SNAP47: variants seen among roughly 807,000 people sequenced by gnomAD.
SNAP47 encodes the protein synaptosome associated protein 47.
A neutral mutation model predicts 31.4 loss-of-function variants in SNAP47; 20 were observed. The ratio of observed to expected loss-of-function variants is 0.64; its 90% confidence interval spans 0.45 to 0.93. The LOEUF is 0.93. Ranked by LOEUF, SNAP47 falls within the 40% of genes least tolerant of loss-of-function variation. The probability of loss-of-function intolerance (pLI) is 0.00; values close to 1 mark genes in which losing one functional copy is unlikely to be tolerated. For missense variants in SNAP47, 492 were observed against 528.5 expected, an observed-to-expected ratio of 0.93 and a Z score of 0.68; for synonymous variants, 194 against 213.4, an observed-to-expected ratio of 0.91 and a Z score of 0.79.
chr1:227,734,461 A>C (rs546563473), upstream of SNAP47: 2 of 525,596 alleles, frequency 3.8e-6, no homozygotes, highest in Non-Finnish European at 6.6e-6. Flanking sequence ...AAAAAAAACC[A>C]TATTGACCTC....
chr1:227,759,293 AT>A lies in SNAP47; in HGVS notation c.798del (p.Ser267AlafsTer16). On this transcript the variant is annotated frameshift_variant, in exon 3 of 5. Coordinates refer to ENST00000617596, the MANE Select transcript of SNAP47 (RefSeq NM_053052.4). LOFTEE classifies it high-confidence loss of function. ...DDIKVHSPYE[I>X]SIRQRFIGKP... ...CATCAAGGTCCACTCACCTTACGAA[AT>A]TAGCATCCGCCAGCGGTTTATTGGA... 1 of 1,614,256 alleles carries A rather than the reference AT, an allele frequency of 6.2e-7. No homozygotes were observed. The highest frequency in any genetic ancestry group is 8.5e-7 in the Non-Finnish European group (1 of 1,180,046).
chr1:227,740,982 G>T (rs893165601), intron 1 of SNAP47, among the ~76,000 whole-genome samples: 2 of 148,194 alleles, frequency 1.3e-5, no homozygotes, highest in South Asian at 2.1e-4. Context: ...AAATTGGGGT[G>T]CCTGTTAGGG....
intron 4 of SNAP47, among the ~76,000 whole-genome samples, chr1:227,779,684 G>A (rs2103008180): frequency 6.6e-6 from 1 of 152,298 alleles, no homozygotes; most frequent in South Asian, 2.1e-4. Context: ...TCTAGACCTA[G>A]GCTGAGTGTG....
chr1:227,775,150 C>T (rs1263952377), intron 4 of SNAP47, among the ~76,000 whole-genome samples: 1 of 152,242 alleles, frequency 6.6e-6, no homozygotes, highest in East Asian at 1.9e-4. Flanking sequence ...CTTGGGCGGG[C>T]CGCAGGGTGG....
At chr1:227,728,583 CCCCGCCCCGCCT>C (rs948106410), upstream of SNAP47, 5 of 143,414 alleles carry the variant, frequency 3.5e-5, no homozygotes, top group Non-Finnish European at 6.1e-5. Flanking sequence ...TCCCTCCCGG[CCCCGCCCCGCCT>C]CCCGCCCCAA....
chr1:227,735,187 C>T, upstream of SNAP47: 2 of 1,581,088 alleles, frequency 1.3e-6, no homozygotes, highest in Non-Finnish European at 1.7e-6. Context: ...CGAAGGCTAC[C>T]CGGCCCGGAG....
At chr1:227,764,361 G>A (rs1042302037) in intron 3 of SNAP47, among the ~76,000 whole-genome samples, 1 of 152,188 alleles carries the variant, frequency 6.6e-6, no homozygotes, top group Non-Finnish European at 1.5e-5. Context: ...GAGTGTTTAA[G>A]CAAAGTCCTA....
At chr1:227,772,829 T>C (rs759402377) in intron 4 of SNAP47, among the ~76,000 whole-genome samples, 9 of 152,224 alleles carry the variant, frequency 5.9e-5, no homozygotes, top group Admixed American at 2.0e-4. Flanking sequence ...TCTTTCCCCA[T>C]TGAATGGTCT....
upstream of SNAP47, chr1:227,733,396 G>A (rs1210999063): frequency 6.4e-7 from 1 of 1,566,842 alleles, no homozygotes; most frequent in Non-Finnish European, 8.6e-7. Flanking sequence ...ATAGGGGGCA[G>A]GAGAAGCAGC....
chr1:227,768,992 G>A (rs937942824), intron 4 of SNAP47, among the ~76,000 whole-genome samples: 1 of 152,236 alleles, frequency 6.6e-6, no homozygotes, highest in African/African-American at 2.4e-5. Context: ...TTGCAATGGT[G>A]GCCATGTAGT....
intron 4 of SNAP47, among the ~76,000 whole-genome samples, chr1:227,769,184 T>C (rs1663632020): frequency 6.6e-6 from 1 of 152,176 alleles, no homozygotes. Context: ...ACTGCCATCA[T>C]TAAAGATCCA....
chr1:227,767,277 A>G (rs1031020280), intron 4 of SNAP47, among the ~76,000 whole-genome samples, 194 bp downstream of exon 4: 2 of 152,158 alleles, frequency 1.3e-5, no homozygotes, highest in African/African-American at 2.4e-5. Context: ...AGGTCCACAC[A>G]CTTCCTGGAA....
At position 227,776,253 on chromosome 1, in the gene SNAP47, G is replaced by A. The variant is rs376341190; in HGVS notation, c.1114-4274G>A. On this transcript the variant is annotated intron_variant, in intron 4 of 4. Coordinates refer to ENST00000617596, the MANE Select transcript of SNAP47 (RefSeq NM_053052.4). Reference sequence around the variant, plus strand: ...GGAACACTTCTATCAGGTCTGGCTCGCAGGCATGCCCCAGGGCCAGCCTGG... The same window carrying A: ...GGAACACTTCTATCAGGTCTGGCTCACAGGCATGCCCCAGGGCCAGCCTGG... The A allele has an allele frequency of 2.1e-4, 222 of 1,040,306 alleles. 2 individuals carry two copies. In the South Asian group the frequency reaches 5.5e-3, roughly 26 times the overall value. The allele number at this position is 1,040,306 out of a possible 1,614,324, so 64.4% of individuals were successfully genotyped here.
At chr1:227,753,193 T>C (rs1293296853) in intron 2 of SNAP47, among the ~76,000 whole-genome samples, 1 of 152,230 alleles carries the variant, frequency 6.6e-6, no homozygotes, top group Non-Finnish European at 1.5e-5. Context: ...TAGTGAAGCA[T>C]GCTGCAGTGA....
chr1:227,778,730 T>A (rs1411183840), intron 4 of SNAP47, among the ~76,000 whole-genome samples: 1 of 152,178 alleles, frequency 6.6e-6, no homozygotes, highest in African/African-American at 2.4e-5. Context: ...CCACGTGAGA[T>A]CATGGGCCAG....
intron 1 of SNAP47, among the ~76,000 whole-genome samples, chr1:227,745,573 A>G (rs1488594739): frequency 6.6e-6 from 1 of 152,098 alleles, no homozygotes; most frequent in Non-Finnish European, 1.5e-5. Context: ...CAGGGGCTAC[A>G]TGGGTCTGAG....
chr1:227,754,068 G>T (rs1332450096), intron 2 of SNAP47, among the ~76,000 whole-genome samples: 3 of 152,224 alleles, frequency 2.0e-5, no homozygotes, highest in African/African-American at 4.8e-5. Context: ...CATGGGCTTG[G>T]AAAATAAGTG....
chr1:227,732,643 C>CA (rs1415159392), upstream of SNAP47: 4 of 1,613,366 alleles, frequency 2.5e-6, no homozygotes, highest in South Asian at 3.3e-5. Flanking sequence ...TAAAACTCTT[C>CA]AAAGTTGATG....
chr1:227,756,764 C>T (rs1156941021), intron 2 of SNAP47, among the ~76,000 whole-genome samples: 1 of 152,232 alleles, frequency 6.6e-6, no homozygotes, highest in African/African-American at 2.4e-5. Context: ...TGTTGCTGCC[C>T]AACAGCAGCT....
Sources: gnomAD v4.1 joint callset for allele counts (sites outside exome capture counted in the v4.1 genomes callset) on GRCh38, gnomAD v4.1.1 for gene constraint, MANE v1.5 for transcripts, NCBI Gene and HGNC (gene_info 2026-07-23, HGNC 2026-07-21) for gene names.